POT1: variants seen among roughly 807,000 people sequenced by gnomAD.
POT1 encodes the protein protection of telomeres protein 1.
POT1 carries 47 observed loss-of-function variants against 78.5 expected under a neutral mutation model. The observed-to-expected ratio is 0.60, with a 90% confidence interval of 0.47 to 0.76. POT1 has a LOEUF of 0.76. Ranked by LOEUF, POT1 falls within the 30% of genes least tolerant of loss-of-function variation. The probability of loss-of-function intolerance (pLI) is 0.00; values close to 1 mark genes in which losing one functional copy is unlikely to be tolerated. For synonymous variants in POT1, 259 were observed against 260.7 expected (o/e 0.99, Z 0.06); for missense variants, 646 against 749.9 (o/e 0.86, Z 1.62).
intron 6 of POT1, among the ~76,000 whole-genome samples, chr7:124,875,561 T>C (rs1236241342): frequency 6.6e-6 from 1 of 152,182 alleles, no homozygotes; most frequent in African/African-American, 2.4e-5. Context: ...GAGGAAGTCA[T>C]TTAACCATTA....
chr7:124,902,534 A>T (rs992867657), intron 3 of POT1, among the ~76,000 whole-genome samples: 5 of 152,214 alleles, frequency 3.3e-5, no homozygotes, highest in Non-Finnish European at 4.4e-5. Flanking sequence ...AGCACTAAAC[A>T]TGGAAAGGAA....
chr7:124,924,980 T>G (rs1453722229), intron 2 of POT1, among the ~76,000 whole-genome samples: 1 of 152,010 alleles, frequency 6.6e-6, no homozygotes, highest in African/African-American at 2.4e-5. Context: ...ATAAAGGTCA[T>G]GTATGACAAA....
intron 5 of POT1, among the ~76,000 whole-genome samples, chr7:124,893,526 T>A (rs1278968872): frequency 1.5e-4 from 23 of 151,386 alleles, no homozygotes; most frequent in Admixed American, 1.5e-3. Flanking sequence ...AGAAACAACT[T>A]GCTGAGATAC....
At chr7:124,876,934 C>A (rs1264176698) in intron 6 of POT1, among the ~76,000 whole-genome samples, 1 of 152,100 alleles carries the variant, frequency 6.6e-6, no homozygotes, top group Non-Finnish European at 1.5e-5. Context: ...ATAAAATCAA[C>A]CTTAGTACAA....
chr7:124,841,131 C>A lies in POT1; in HGVS notation c.1211G>T (p.Gly404Val), dbSNP rs35536751. The change falls in exon 14 of 19, where the codon GGT becomes GTT. Residue 404 changes from glycine (G) to valine (V), a missense_variant. Around this residue, in one of 2 missense-constraint regions of POT1, gnomAD observed 394 missense variants for 408.4 expected, o/e 0.96. Coordinates refer to ENST00000357628, the MANE Select transcript of POT1 (RefSeq NM_015450.3). Reference sequence around the variant, plus strand: ...CTTGACATCTGGGGTTTTAGTTGCACCATCCTGAAAAATTATATCCAAATC... The same window carrying A: ...CTTGACATCTGGGGTTTTAGTTGCAACATCCTGAAAAATTATATCCAAATC... ...EGDLDIIFQD[G>V]ATKTPDVKLQ... The A allele has an allele frequency of 0.014, 22,622 of 1,612,590 alleles. 242 individuals are homozygous for A. The highest frequency in any genetic ancestry group is 0.017 in the Middle Eastern group (100 of 6,056).
intron 12 of POT1, among the ~76,000 whole-genome samples, chr7:124,844,143 T>C (rs866243429): frequency 0.011 from 1,524 of 138,754 alleles, 27 homozygotes; most frequent in African/African-American, 0.037. Flanking sequence ...TTTTTTTTTT[T>C]CGGAGACGGA....
At chr7:124,897,769 G>C (rs1796527950) in intron 4 of POT1, among the ~76,000 whole-genome samples, 1 of 151,870 alleles carries the variant, frequency 6.6e-6, no homozygotes, top group Non-Finnish European at 1.5e-5. Flanking sequence ...ATGTTGGCCT[G>C]CAGGCTTTTG....
chr7:124,845,171 A>G (rs1795135201), intron 12 of POT1, among the ~76,000 whole-genome samples: 1 of 152,172 alleles, frequency 6.6e-6, no homozygotes, highest in African/African-American at 2.4e-5. Flanking sequence ...AACAAACATT[A>G]CTCAAATTTC....
At chr7:124,925,381 T>C (rs916789118) in intron 2 of POT1, among the ~76,000 whole-genome samples, 1 of 151,766 alleles carries the variant, frequency 6.6e-6, no homozygotes, top group Admixed American at 6.6e-5. Context: ...TAAAATAAAA[T>C]GCCTAGGAAT....
At chr7:124,871,559 C>A (rs1028068776) in intron 6 of POT1, among the ~76,000 whole-genome samples, 3 of 151,728 alleles carry the variant, frequency 2.0e-5, no homozygotes, top group Non-Finnish European at 2.9e-5. Flanking sequence ...AACAAAAACT[C>A]AAAAGAGAAA....
chr7:124,835,621 T>A (rs1302592135), intron 14 of POT1, among the ~76,000 whole-genome samples: 2 of 152,184 alleles, frequency 1.3e-5, no homozygotes, highest in African/African-American at 4.8e-5. Flanking sequence ...GAGACTTTGG[T>A]AAAATATAAA....
intron 3 of POT1, chr7:124,900,846 T>C (rs1324515774): frequency 2.6e-6 from 1 of 390,168 alleles, no homozygotes; most frequent in Non-Finnish European, 5.3e-6. Flanking sequence ...CACCAGGAGA[T>C]TATATCCCAT....
chr7:124,919,304 T>C (rs1797090901), intron 2 of POT1, among the ~76,000 whole-genome samples: 2 of 152,160 alleles, frequency 1.3e-5, no homozygotes, highest in Non-Finnish European at 2.9e-5. Context: ...TGAGATGTTG[T>C]ATATGGTGCA....
intron 6 of POT1, among the ~76,000 whole-genome samples, chr7:124,884,430 C>T (rs774766352): frequency 2.6e-5 from 4 of 152,080 alleles, no homozygotes; most frequent in Non-Finnish European, 4.4e-5. Flanking sequence ...AGATCTGCTT[C>T]TAGAAACACT....
chr7:124,906,639 TA>T (rs1211542832), intron 3 of POT1, among the ~76,000 whole-genome samples: 1 of 151,850 alleles, frequency 6.6e-6, no homozygotes, highest in African/African-American at 2.4e-5. Flanking sequence ...AAAAGTATAA[TA>T]AAAAATAAAA....
At chr7:124,895,600 A>G (rs1219437333) in intron 5 of POT1, among the ~76,000 whole-genome samples, 3 of 151,710 alleles carry the variant, frequency 2.0e-5, no homozygotes, top group Non-Finnish European at 4.4e-5. Flanking sequence ...ACGGGGCACT[A>G]AAAATAAGTG....
chr7:124,822,856 T>C lies in POT1; in HGVS notation c.*1106A>G, dbSNP rs1794538660. The stretch of plus-strand genomic sequence containing the variant: ...CTTTTTGACAATAAGATGTTAAAAG[T>C]ATTTTGAAACTATAGAAAAACACAC... On this transcript the variant is annotated 3_prime_UTR_variant, in exon 19 of 19. Transcript: ENST00000357628. The C allele has an allele frequency of 5.4e-6, 1 of 184,620 alleles. No homozygotes were observed. Among genetic ancestry groups the C allele is most frequent in the African/African-American group, 2.3e-5 (1 of 43,166 alleles). The allele number at this position is 184,620 out of a possible 1,614,324, so 11.4% of individuals were successfully genotyped here. A position where few individuals can be genotyped will look rare whatever the true frequency, so the allele number is the denominator to read the frequency against.
Position 124,875,030 on chromosome 7 carries a change from C to A in POT1, c.125-3989G>T, listed in dbSNP as rs369850296. On this transcript the variant is annotated intron_variant, in intron 6 of 18. Transcript: ENST00000357628. ...TATTATATTCTCATCCCTTGAGGAC[C>A]CATTGGCTCCAGTTTTAGGTTTTAA... is the stretch of plus-strand genomic sequence containing the variant. Among the ~76,000 whole-genome samples the A allele has an allele frequency of 2.7e-4, 41 of 152,088 alleles. 1 individual carries two copies. The highest frequency in any genetic ancestry group is 9.2e-4 in the African/African-American group (38 of 41,510).
At chr7:124,835,180 C>A (rs888649839) in intron 15 of POT1, 99 bp downstream of exon 15, 3 of 1,396,638 alleles carry the variant, frequency 2.1e-6, no homozygotes, top group Non-Finnish European at 2.0e-6. Flanking sequence ...CACAATAGCA[C>A]GTGTATACCT....
Sources: allele counts gnomAD v4.1 joint callset (sites outside exome capture counted in the v4.1 genomes callset), GRCh38; gene constraint gnomAD v4.1.1; regional missense constraint gnomAD v4.1.1; transcripts MANE v1.5; gene names NCBI Gene and HGNC (gene_info 2026-07-23, HGNC 2026-07-21).